The following TPTE variants were observed in gnomAD, a reference collection of about 807,000 sequenced individuals.
TPTE encodes the protein putative tyrosine-protein phosphatase TPTE.
In TPTE, 59 loss-of-function variants were observed where a neutral mutation model predicts 84.1. The ratio of observed to expected loss-of-function variants is 0.70; its 90% CI spans 0.57 to 0.87. The LOEUF is 0.87. TPTE is among the 40% of genes least tolerant of loss of function. TPTE has a pLI of 0.00. For synonymous variants in TPTE, 130 were observed against 223.5 expected, an observed-to-expected ratio of 0.58 and a Z score of 3.73; for missense variants, 382 against 659.6, an observed-to-expected ratio of 0.58 and a Z score of 4.61.
At chr21:10,568,525 T>C (rs1370523156) in intron 11 of TPTE, among the ~76,000 whole-genome samples, 1 of 152,424 alleles carries the variant, frequency 6.6e-6, no homozygotes, top group African/African-American at 2.4e-5. Context: ...GGGATGTAGA[T>C]GGTGGCTTCC....
chr21:10,560,009 T>C (rs1271936512), intron 9 of TPTE, among the ~76,000 whole-genome samples: 6 of 152,282 alleles, frequency 3.9e-5, no homozygotes, highest in African/African-American at 1.2e-4. Context: ...CCACTGTCCA[T>C]CAGTTGCTAA....
At chr21:10,547,673 C>T (rs1319432495) in intron 7 of TPTE, among the ~76,000 whole-genome samples, 2 of 152,306 alleles carry the variant, frequency 1.3e-5, no homozygotes, top group African/African-American at 4.8e-5. Context: ...CCTCTGGGGG[C>T]CAGTAGCCAC....
intron 17 of TPTE, among the ~76,000 whole-genome samples, chr21:10,588,526 G>T (rs4913577): frequency 1.3e-5 from 2 of 151,406 alleles, no homozygotes; most frequent in African/African-American, 4.8e-5. Flanking sequence ...CACAGGTGCC[G>T]TCTGGCTTTA....
At chr21:10,542,756 T>A (rs1377180828) in intron 6 of TPTE, among the ~76,000 whole-genome samples, 3 of 152,300 alleles carry the variant, frequency 2.0e-5, no homozygotes, top group Admixed American at 6.5e-5. Flanking sequence ...TTTTTTTTTT[T>A]AACAGAGTTT....
intron 14 of TPTE, among the ~76,000 whole-genome samples, chr21:10,570,999 C>A (rs1358036260): frequency 6.6e-6 from 1 of 152,308 alleles, no homozygotes; most frequent in Non-Finnish European, 1.5e-5. Context: ...CTGCTGCCAA[C>A]AGCCCCACCC....
At chr21:10,576,045 T>A (rs1332466906) in intron 14 of TPTE, among the ~76,000 whole-genome samples, 3 of 152,298 alleles carry the variant, frequency 2.0e-5, no homozygotes, top group Non-Finnish European at 1.5e-5. Flanking sequence ...GAGGCAGAAA[T>A]ACCATCAGAC....
At chr21:10,592,877 T>G (rs1371079278) in intron 19 of TPTE, among the ~76,000 whole-genome samples, 3 of 147,938 alleles carry the variant, frequency 2.0e-5, no homozygotes, top group Non-Finnish European at 3.0e-5. Flanking sequence ...AAAGAGAAAA[T>G]AAAAGGGAAA....
chr21:10,591,528 A>G (rs796563845), intron 18 of TPTE, among the ~76,000 whole-genome samples: 1,226 of 150,384 alleles, frequency 8.2e-3, no homozygotes, highest in South Asian at 0.043. Flanking sequence ...AAAATATCCA[A>G]AGGTTTAAAT....
intron 12 of TPTE, 51 bp downstream of exon 12, chr21:10,569,587 G>T: frequency 6.2e-7 from 1 of 1,613,512 alleles, no homozygotes; most frequent in Non-Finnish European, 8.5e-7. Context: ...TGTGTTTTGG[G>T]ACCCATTGAC....
chr21:10,547,247 A>G (rs2074485527), intron 7 of TPTE, among the ~76,000 whole-genome samples: 1 of 152,310 alleles, frequency 6.6e-6, no homozygotes, highest in African/African-American at 2.4e-5. Flanking sequence ...GGCAAGAAAT[A>G]CACATCTGAG....
At chr21:10,551,781 C>T (rs2074580735) in intron 7 of TPTE, among the ~76,000 whole-genome samples, 1 of 152,298 alleles carries the variant, frequency 6.6e-6, no homozygotes, top group Non-Finnish European at 1.5e-5. Flanking sequence ...CTATTATGAG[C>T]AACTCTACAA....
At chr21:10,558,132 C>T (rs554165137) in intron 8 of TPTE, among the ~76,000 whole-genome samples, 1 of 152,426 alleles carries the variant, frequency 6.6e-6, no homozygotes, top group African/African-American at 2.4e-5. Context: ...ATATGTACCA[C>T]ATTTTCTTTA....
At chr21:10,590,636 G>GT in intron 18 of TPTE, 113 bp downstream of exon 18, 1 of 1,534,784 alleles carries the variant, frequency 6.5e-7, no homozygotes, top group South Asian at 1.2e-5. Context: ...TAGTAAAATT[G>GT]TAATTAGAGA....
chr21:10,545,738 T>C (rs1038927430), intron 7 of TPTE, among the ~76,000 whole-genome samples: 5 of 151,820 alleles, frequency 3.3e-5, no homozygotes, highest in African/African-American at 9.7e-5. Flanking sequence ...TATATAAATA[T>C]GTATTTGTGT....
intron 17 of TPTE, among the ~76,000 whole-genome samples, chr21:10,586,758 G>C (rs1436902274): frequency 6.6e-6 from 1 of 152,308 alleles, no homozygotes; most frequent in Non-Finnish European, 1.5e-5. Context: ...TGTTTATGTT[G>C]AGCCTGCATC....
intron 10 of TPTE, among the ~76,000 whole-genome samples, chr21:10,566,740 G>C (rs2074929355): frequency 6.6e-6 from 1 of 152,304 alleles, no homozygotes; most frequent in Non-Finnish European, 1.5e-5. Flanking sequence ...ACTTTGGGAG[G>C]CTGAGGTGGG....
At chr21:10,547,753 C>T in intron 7 of TPTE, among the ~76,000 whole-genome samples, 1 of 152,312 alleles carries the variant, frequency 6.6e-6, no homozygotes, top group Non-Finnish European at 1.5e-5. Context: ...AAGCCACAAT[C>T]CCAGCTGTGT....
chr21:10,563,721 G>A (rs1475992977), intron 10 of TPTE, among the ~76,000 whole-genome samples: 1 of 152,300 alleles, frequency 6.6e-6, no homozygotes, highest in Non-Finnish European at 1.5e-5. Context: ...AGACAGGAAG[G>A]AAAGAAGGAA....
At chr21:10,557,258 TG>T (rs1463709259) in intron 8 of TPTE, among the ~76,000 whole-genome samples, 1 of 152,304 alleles carries the variant, frequency 6.6e-6, no homozygotes, top group African/African-American at 2.4e-5. Context: ...TTCCTGGATA[TG>T]GATTTACTGA....
Sources: allele counts gnomAD v4.1 joint callset (sites outside exome capture counted in the v4.1 genomes callset), GRCh38; gene constraint gnomAD v4.1.1; transcripts MANE v1.5; gene names NCBI Gene and HGNC (gene_info 2026-07-23, HGNC 2026-07-21).